LRRTM4: variants seen among roughly 807,000 people sequenced by gnomAD.
The protein encoded by LRRTM4 is leucine rich repeat transmembrane neuronal 4.
In LRRTM4, 25 loss-of-function variants were observed where a neutral mutation model predicts 47.6. The observed-to-expected ratio is 0.53, with a 90% confidence interval of 0.38 to 0.73. The LOEUF is 0.73. LRRTM4 is among the 30% of genes least tolerant of loss of function. The pLI is 0.00. For synonymous variants in LRRTM4, 311 were observed against 269.5 expected (o/e 1.15, Z -1.51); for missense variants, 638 against 713.4 (o/e 0.89, Z 1.20).
At chr2:76,887,255 T>C (rs1434945552) in intron 3 of LRRTM4, among the ~76,000 whole-genome samples, 3 of 151,706 alleles carry the variant, frequency 2.0e-5, no homozygotes, top group Non-Finnish European at 4.4e-5. Context: ...TCAAAGTAGA[T>C]TCAAGAGGGT....
intron 3 of LRRTM4, among the ~76,000 whole-genome samples, chr2:77,244,905 T>G (rs1675388921): frequency 6.6e-6 from 1 of 152,132 alleles, no homozygotes; most frequent in Non-Finnish European, 1.5e-5. Context: ...TAAGTAACTT[T>G]GAAAGCAGAT....
chr2:76,861,756 T>C (rs1177591620), intron 3 of LRRTM4, among the ~76,000 whole-genome samples: 1 of 152,158 alleles, frequency 6.6e-6, no homozygotes, highest in East Asian at 1.9e-4. Flanking sequence ...TGCTTATAAC[T>C]CCAAATTGGA....
chr2:76,800,098 A>G (rs1172327560), intron 3 of LRRTM4, among the ~76,000 whole-genome samples: 1 of 150,908 alleles, frequency 6.6e-6, no homozygotes, highest in Non-Finnish European at 1.5e-5. Flanking sequence ...ATTGGAAAAA[A>G]CTACTTTAAA....
intron 3 of LRRTM4, among the ~76,000 whole-genome samples, chr2:77,403,424 T>C (rs1262674757): frequency 6.6e-6 from 1 of 151,790 alleles, no homozygotes; most frequent in Admixed American, 6.6e-5. Context: ...GTACTTGAAG[T>C]GAAGTAGGTG....
intron 3 of LRRTM4, among the ~76,000 whole-genome samples, chr2:77,032,757 G>A (rs192199726): frequency 4.0e-4 from 61 of 152,086 alleles, no homozygotes; most frequent in African/African-American, 1.4e-3. Flanking sequence ...AATTCTTTTA[G>A]GCTTTTTCTG....
chr2:77,404,400 G>T (rs575448964), intron 3 of LRRTM4, among the ~76,000 whole-genome samples: 1 of 151,964 alleles, frequency 6.6e-6, no homozygotes, highest in Non-Finnish European at 1.5e-5. Flanking sequence ...TGATGTCTCA[G>T]CATTTTACTA....
At chr2:76,914,847 AATT>A (rs1674190293) in intron 3 of LRRTM4, among the ~76,000 whole-genome samples, 1 of 152,180 alleles carries the variant, frequency 6.6e-6, no homozygotes, top group Admixed American at 6.5e-5. Flanking sequence ...GCTACAGTTA[AATT>A]ATTAATAAAG....
intron 3 of LRRTM4, among the ~76,000 whole-genome samples, chr2:76,773,901 T>G (rs1285560936): frequency 6.6e-6 from 1 of 151,904 alleles, no homozygotes; most frequent in Non-Finnish European, 1.5e-5. Flanking sequence ...TATAACATAT[T>G]TCCAGAATTC....
intron 3 of LRRTM4, among the ~76,000 whole-genome samples, chr2:76,811,481 G>A (rs1670731522): frequency 6.6e-6 from 1 of 152,118 alleles, no homozygotes; most frequent in African/African-American, 2.4e-5. Context: ...AGAGGTGGCA[G>A]CCAGACCATC....
intron 3 of LRRTM4, among the ~76,000 whole-genome samples, chr2:76,794,856 C>G (rs1052152942): frequency 6.7e-5 from 10 of 150,218 alleles, no homozygotes; most frequent in Admixed American, 1.3e-4. Flanking sequence ...CCATAGGTCC[C>G]TCTAGAGGGC....
chr2:77,291,620 T>C (rs1393191470), intron 3 of LRRTM4, among the ~76,000 whole-genome samples: 1 of 152,128 alleles, frequency 6.6e-6, no homozygotes, highest in African/African-American at 2.4e-5. Flanking sequence ...CTTAATGAGA[T>C]AAAATTGCTT....
At chr2:77,168,774 G>A (rs1321897228) in intron 3 of LRRTM4, among the ~76,000 whole-genome samples, 2 of 151,946 alleles carry the variant, frequency 1.3e-5, no homozygotes, top group Non-Finnish European at 2.9e-5. Context: ...CAGTCCCCAC[G>A]TATGAATGAG....
chr2:77,505,461 T>G (rs1678731532), intron 3 of LRRTM4, among the ~76,000 whole-genome samples: 1 of 151,510 alleles, frequency 6.6e-6, no homozygotes, highest in Non-Finnish European at 1.5e-5. Context: ...AACATATTTT[T>G]GTTGAATAAA....
intron 3 of LRRTM4, among the ~76,000 whole-genome samples, chr2:77,470,134 T>A (rs1266929677): frequency 1.3e-5 from 2 of 152,166 alleles, no homozygotes; most frequent in African/African-American, 4.8e-5. Flanking sequence ...ATATTTGGGC[T>A]GTAGGGAAAA....
At chr2:76,809,959 A>C (rs1029386303) in intron 3 of LRRTM4, among the ~76,000 whole-genome samples, 6 of 152,070 alleles carry the variant, frequency 3.9e-5, no homozygotes, top group Admixed American at 2.0e-4. Flanking sequence ...GCCCTGACCA[A>C]CCTATAAAAA....
Position 76,916,559 on chromosome 2 carries a change from A to C in LRRTM4, c.1552-167643T>G, listed in dbSNP as rs1674259945. On this transcript the variant is annotated intron_variant, in intron 3 of 3. Transcript: ENST00000409884. ...TCAAGGGAAAATAAATCAAATAGGC[A>C]ATTTGCAATTAAAAATATTCATTAT... Among the ~76,000 whole-genome samples the C allele has an allele frequency of 3.9e-5, 6 of 152,186 alleles. No homozygotes were observed. In the South Asian group the frequency reaches 1.2e-3, roughly 32 times the overall value.
At chr2:77,209,718 A>G (rs1674240111) in intron 3 of LRRTM4, among the ~76,000 whole-genome samples, 1 of 152,268 alleles carries the variant, frequency 6.6e-6, no homozygotes, top group South Asian at 2.1e-4. Context: ...TAAAAGGCAT[A>G]AAAGGCAACA....
intron 3 of LRRTM4, among the ~76,000 whole-genome samples, chr2:76,805,282 T>C (rs1360919609): frequency 1.3e-5 from 2 of 152,274 alleles, no homozygotes; most frequent in African/African-American, 2.4e-5. Flanking sequence ...TACATTTACT[T>C]ATGATGGAAC....
At chr2:77,396,933 A>T (rs1039746425) in intron 3 of LRRTM4, among the ~76,000 whole-genome samples, 5 of 151,954 alleles carry the variant, frequency 3.3e-5, no homozygotes, top group African/African-American at 1.2e-4. Flanking sequence ...ACCCATGGAT[A>T]AATCACATGT....
Sources: allele counts gnomAD v4.1 joint callset (sites outside exome capture counted in the v4.1 genomes callset), GRCh38; gene constraint gnomAD v4.1.1; transcripts MANE v1.5; gene names NCBI Gene and HGNC (gene_info 2026-07-23, HGNC 2026-07-21).